Variants in AGBL4 observed in about 807,000 individuals in gnomAD.
AGBL4 encodes the protein AGBL carboxypeptidase 4, also known as cytosolic carboxypeptidase 6.
Under a neutral mutation model 66.4 loss-of-function variants are expected in AGBL4, and 58 were observed. That is an observed-to-expected ratio of 0.87 (90% CI 0.71 to 1.09). The LOEUF (loss-of-function observed/expected upper bound fraction) is 1.09. AGBL4 is among the 50% of genes least tolerant of loss of function. The pLI is 0.00. For missense variants in AGBL4, 579 were observed against 631.0 expected (o/e 0.92, Z 0.88); for synonymous variants, 234 against 222.9 (o/e 1.05, Z -0.44).
chr1:49,396,072 G>A (rs544845798), intron 3 of AGBL4, among the ~76,000 whole-genome samples: 13 of 151,524 alleles, frequency 8.6e-5, no homozygotes, highest in Middle Eastern at 3.4e-3. Flanking sequence ...TCCTTGTGCT[G>A]CATCAGAGTT....
intron 3 of AGBL4, among the ~76,000 whole-genome samples, chr1:49,588,475 A>C (rs1183047367): frequency 6.6e-6 from 1 of 152,194 alleles, no homozygotes; most frequent in Non-Finnish European, 1.5e-5. Flanking sequence ...GACACTGCTC[A>C]AGGCCTAGGA....
At chr1:49,283,453 G>C (rs781381787) in intron 3 of AGBL4, among the ~76,000 whole-genome samples, 2 of 152,134 alleles carry the variant, frequency 1.3e-5, no homozygotes, top group African/African-American at 4.8e-5. Flanking sequence ...ACTCTAAAAC[G>C]CAGAGCGTCT....
intron 5 of AGBL4, among the ~76,000 whole-genome samples, chr1:48,876,486 G>C (rs1240058044): frequency 2.0e-5 from 3 of 152,128 alleles, no homozygotes; most frequent in African/African-American, 7.2e-5. Flanking sequence ...CTCTGCTCTA[G>C]CCCTAAAAGG....
At chr1:49,491,939 A>G (rs1469601426) in intron 3 of AGBL4, among the ~76,000 whole-genome samples, 2 of 151,952 alleles carry the variant, frequency 1.3e-5, no homozygotes, top group Non-Finnish European at 2.9e-5. Flanking sequence ...AGTTTAAATT[A>G]TAAATTAGGC....
At chr1:48,625,012 A>T (rs1570047178) in intron 9 of AGBL4, among the ~76,000 whole-genome samples, 1 of 151,722 alleles carries the variant, frequency 6.6e-6, no homozygotes, top group Non-Finnish European at 1.5e-5. Context: ...AGCTTAAGGG[A>T]TCCTCCTGCT....
chr1:49,574,918 A>G (rs1558067044), intron 3 of AGBL4, among the ~76,000 whole-genome samples: 1 of 152,068 alleles, frequency 6.6e-6, no homozygotes, highest in Non-Finnish European at 1.5e-5. Context: ...ACTAATTTCA[A>G]TAATAAAGAC....
chr1:49,720,502 C>T (rs893542708), intron 2 of AGBL4, among the ~76,000 whole-genome samples: 9 of 152,134 alleles, frequency 5.9e-5, no homozygotes, highest in Admixed American at 2.6e-4. Flanking sequence ...AGCTATTCTG[C>T]TATTTACTAG....
rs1179575471 is a variant in AGBL4, at chr1:49,882,034, G to A, written c.35-30516C>T. Among the ~76,000 whole-genome samples the A allele has an allele frequency of 3.3e-5, 5 of 152,090 alleles. 1 individual carries two copies. The highest frequency in any genetic ancestry group is 1.9e-4 in the East Asian group (1 of 5,186). ...TTATGGTTTTAGGTCTAACGTTTAA[G>A]TCTTTAATCCATCTTGAATTGATTT... is the stretch of plus-strand genomic sequence containing the variant. On this transcript the variant is annotated intron_variant, in intron 1 of 13. Coordinates refer to ENST00000371839, the MANE Select transcript of AGBL4 (RefSeq NM_032785.4).
chr1:49,383,805 T>TATA (rs201557403), intron 3 of AGBL4, among the ~76,000 whole-genome samples: 16 of 149,254 alleles, frequency 1.1e-4, no homozygotes, highest in African/African-American at 3.8e-4. Context: ...ATATATATAT[T>TATA]TTTTTTTTTT....
chr1:48,966,221 A>G (rs1658402277), intron 5 of AGBL4, among the ~76,000 whole-genome samples: 1 of 152,180 alleles, frequency 6.6e-6, no homozygotes, highest in Admixed American at 6.5e-5. Flanking sequence ...AGAAGAAAGA[A>G]TGTGAGCAAT....
chr1:49,852,580 A>C (rs1646331492), intron 1 of AGBL4, among the ~76,000 whole-genome samples: 2 of 152,120 alleles, frequency 1.3e-5, no homozygotes, highest in African/African-American at 2.4e-5. Flanking sequence ...TCTTATGGGA[A>C]AAACAGCCTT....
intron 3 of AGBL4, among the ~76,000 whole-genome samples, chr1:49,686,089 G>A (rs1044000742): frequency 1.3e-5 from 2 of 152,122 alleles, no homozygotes; most frequent in Non-Finnish European, 2.9e-5. Context: ...GTGAAAAGAA[G>A]GGGTACAGTT....
At chr1:49,875,905 C>A (rs1207070649) in intron 1 of AGBL4, among the ~76,000 whole-genome samples, 1 of 149,564 alleles carries the variant, frequency 6.7e-6, no homozygotes, top group Admixed American at 6.7e-5. Context: ...CTCTGATGGC[C>A]AGTGATGATG....
intron 3 of AGBL4, among the ~76,000 whole-genome samples, chr1:49,673,399 GGTGA>G: frequency 6.6e-6 from 1 of 152,016 alleles, no homozygotes; most frequent in Middle Eastern, 3.4e-3. Context: ...AGCACAATAG[GGTGA>G]CTATAGTCAA....
chr1:48,999,077 G>C (rs1661214516), intron 5 of AGBL4, among the ~76,000 whole-genome samples: 2 of 152,202 alleles, frequency 1.3e-5, no homozygotes, highest in Admixed American at 6.5e-5. Flanking sequence ...TCAAGGTAAT[G>C]AGTTCCTTGT....
At chr1:49,878,078 C>G (rs1647079102) in intron 1 of AGBL4, among the ~76,000 whole-genome samples, 1 of 151,074 alleles carries the variant, frequency 6.6e-6, no homozygotes, top group Non-Finnish European at 1.5e-5. Flanking sequence ...TGCTAGCGGT[C>G]TATCAATTTT....
intron 5 of AGBL4, among the ~76,000 whole-genome samples, chr1:48,999,420 A>T (rs755503090): frequency 6.6e-6 from 1 of 152,172 alleles, no homozygotes; most frequent in African/African-American, 2.4e-5. Context: ...TAGAAACTCA[A>T]TTTTAATCTG....
rs531817781 is a variant in AGBL4 at position 49,884,625 on chromosome 1, T to C, written c.35-33107A>G. Among the ~76,000 whole-genome samples, 32 of 151,888 alleles carry C rather than the reference T, an allele frequency of 2.1e-4. No homozygotes were observed. In the East Asian group the frequency reaches 5.0e-3, roughly 24 times the overall value. ...TATGCAAAATATTTGTCCCCAAACA[T>C]AGAGACAGAATAACACAATGGTTTT... On this transcript the variant is annotated intron_variant, in intron 1 of 13. Coordinates refer to ENST00000371839, the MANE Select transcript of AGBL4 (RefSeq NM_032785.4).
chr1:49,225,586 G>A (rs753644758), intron 4 of AGBL4, among the ~76,000 whole-genome samples: 6 of 152,190 alleles, frequency 3.9e-5, no homozygotes, highest in Non-Finnish European at 8.8e-5. Flanking sequence ...CAGGTGGGGT[G>A]AAGCTAAGAG....
Sources: gnomAD v4.1 joint callset for allele counts (sites outside exome capture counted in the v4.1 genomes callset) on GRCh38, gnomAD v4.1.1 for gene constraint, MANE v1.5 for transcripts, NCBI Gene and HGNC (gene_info 2026-07-23, HGNC 2026-07-21) for gene names.